VAC14: variants seen among roughly 807,000 people sequenced by gnomAD.
The protein encoded by VAC14 is VAC14 component of PIKFYVE complex.
A neutral mutation model predicts 85.3 loss-of-function variants in VAC14; 47 were observed. That is an observed-to-expected ratio of 0.55 (90% CI 0.44 to 0.70). VAC14 has a LOEUF of 0.70. VAC14 is among the 30% of genes least tolerant of loss of function. VAC14 has a pLI of 0.00. For synonymous variants in VAC14, 447 were observed against 430.5 expected, an observed-to-expected ratio of 1.04 and a Z score of -0.47; for missense variants, 861 against 1,004.3, an observed-to-expected ratio of 0.86 and a Z score of 1.93.
intron 14 of VAC14, among the ~76,000 whole-genome samples, chr16:70,705,347 G>A (rs1227203936): frequency 6.6e-6 from 1 of 152,264 alleles, no homozygotes; most frequent in Non-Finnish European, 1.5e-5. Context: ...GAGGGCCCAG[G>A]AATGCCCTTC....
intron 6 of VAC14, 133 bp downstream of exon 6, chr16:70,783,312 G>T: frequency 9.3e-7 from 1 of 1,072,582 alleles, no homozygotes; most frequent in Non-Finnish European, 1.4e-6. Context: ...GCTCCTCAAA[G>T]CGGGAAGCAC....
Position 70,697,959 on chromosome 16 carries a change from CCT to C in VAC14, c.1836+676_1836+677del, listed in dbSNP as rs577164617. ...TGGAGTCCCTGCCTCCAGGATGACC[CCT>C]GTCCCCGCACGGCCTCTGCAGCCAC... On this transcript the variant is annotated intron_variant, in intron 15 of 18. Transcript: ENST00000261776. Among the ~76,000 whole-genome samples, 5 of 149,682 alleles carry C rather than the reference CCT, an allele frequency of 3.3e-5. No individual in the cohort carries two copies. In the South Asian group the frequency reaches 8.5e-4, roughly 25 times the overall value.
intron 13 of VAC14, among the ~76,000 whole-genome samples, chr16:70,743,009 G>T (rs1418473914): frequency 6.6e-6 from 1 of 151,730 alleles, no homozygotes. Context: ...GACTGTAAAT[G>T]CACCAATCAG....
At chr16:70,777,276 C>T (rs188386246) in intron 9 of VAC14, among the ~76,000 whole-genome samples, 4 of 152,230 alleles carry the variant, frequency 2.6e-5, no homozygotes, top group African/African-American at 7.2e-5. Context: ...ACTGAAGCAC[C>T]CGTTAGTGTT....
chr16:70,759,565 T>C (rs917407696), intron 12 of VAC14, among the ~76,000 whole-genome samples: 8 of 151,960 alleles, frequency 5.3e-5, no homozygotes, highest in African/African-American at 1.9e-4. Context: ...GAGGTGGAGG[T>C]TGCAGTGAGC....
At chr16:70,714,105 G>A (rs2054097502) in intron 14 of VAC14, 1 of 152,190 alleles carries the variant, frequency 6.6e-6, no homozygotes, top group African/African-American at 2.4e-5. Context: ...CCAGGCCCAG[G>A]GCCCATCCTG....
chr16:70,777,621 C>T (rs888368145), intron 9 of VAC14, among the ~76,000 whole-genome samples: 2 of 152,112 alleles, frequency 1.3e-5, no homozygotes, highest in Non-Finnish European at 2.9e-5. Context: ...AAGGGGGAGT[C>T]GGAGCAAGTG....
intron 14 of VAC14, among the ~76,000 whole-genome samples, chr16:70,701,068 A>C (rs1055027654): frequency 2.6e-5 from 4 of 152,140 alleles, no homozygotes; most frequent in Non-Finnish European, 5.9e-5. Flanking sequence ...TGTGTTACAG[A>C]AGGTCAGGAA....
chr16:70,753,670 G>C (rs2031589953), intron 12 of VAC14, among the ~76,000 whole-genome samples: 1 of 152,156 alleles, frequency 6.6e-6, no homozygotes, highest in Non-Finnish European at 1.5e-5. Flanking sequence ...CCAGCCCCTG[G>C]GCACCCGGGC....
chr16:70,784,129 T>G lies in VAC14; in HGVS notation c.578A>C (p.Gln193Pro). The G allele has an allele frequency of 6.2e-7, 1 of 1,614,028 alleles. No homozygotes were observed. The highest frequency in any genetic ancestry group is 8.5e-7 in the Non-Finnish European group (1 of 1,179,896). Residue 193 changes from glutamine to proline, a missense_variant, in exon 5 of 19, where the codon CAG becomes CCG. Transcript: ENST00000261776. The part of the protein sequence containing the change: ...RIYSNNQYAR[Q>P]FIISWILVLE... ...AGGCCTTACCCAGGAGATGATGAAC[T>G]GCCGGGCATACTGGTTGTTGGAGTA...
At chr16:70,691,504 C>T (rs2053595068) in intron 18 of VAC14, 1 of 985,352 alleles carries the variant, frequency 1.0e-6, no homozygotes, top group Non-Finnish European at 1.2e-6. Flanking sequence ...ACTCCGGCCC[C>T]AGGAACCCAC....
At chr16:70,693,623 G>A (rs1214082084) in intron 17 of VAC14, among the ~76,000 whole-genome samples, 1 of 152,192 alleles carries the variant, frequency 6.6e-6, no homozygotes, top group Non-Finnish European at 1.5e-5. Context: ...ACTCATTCCA[G>A]CCCAAGCTGC....
At chr16:70,736,325 G>A (rs1242112630) in intron 13 of VAC14, among the ~76,000 whole-genome samples, 2 of 152,218 alleles carry the variant, frequency 1.3e-5, no homozygotes, top group Non-Finnish European at 2.9e-5. Flanking sequence ...GTCCCATAGC[G>A]CAGAGCACTG....
At chr16:70,754,122 C>G (rs1473192493) in intron 12 of VAC14, among the ~76,000 whole-genome samples, 8 of 152,178 alleles carry the variant, frequency 5.3e-5, no homozygotes, top group African/African-American at 1.9e-4. Context: ...GGTAAATACT[C>G]AAACCCTCCT....
At chr16:70,705,103 A>G (rs567641555) in intron 14 of VAC14, among the ~76,000 whole-genome samples, 4 of 152,318 alleles carry the variant, frequency 2.6e-5, no homozygotes, top group African/African-American at 9.6e-5. Flanking sequence ...CTGGTCACCA[A>G]GCAGGGGCAT....
chr16:70,795,884 C>A (rs1161491944), intron 1 of VAC14, among the ~76,000 whole-genome samples: 3 of 152,218 alleles, frequency 2.0e-5, no homozygotes, highest in Non-Finnish European at 4.4e-5. Context: ...TCTCTCCCAG[C>A]CAGCAGTGAG....
At chr16:70,741,376 C>T (rs937364768) in intron 13 of VAC14, among the ~76,000 whole-genome samples, 4 of 152,238 alleles carry the variant, frequency 2.6e-5, no homozygotes, top group African/African-American at 7.2e-5. Context: ...CGTGCCCTCC[C>T]GGGGCAGCGG....
At position 70,780,929 on chromosome 16, in the gene VAC14, T is replaced by C. The variant is rs2033780675; in HGVS notation, c.957A>G (p.Glu319=). Residue 319 remains glutamate (E), a synonymous_variant, in exon 9 of 19, where the codon GAA becomes GAG. Transcript: ENST00000261776. The stretch of plus-strand genomic sequence containing the variant: ...GGCTCTGGTTGCACACGTTGGCCAC[T>C]TCTTTGATGCCTGAGTCCACTGATG... ...AYDDRKKSIK[E]VANVCNQSLM... is the part of the protein sequence containing the mutation. 1 of 1,614,178 alleles carries C rather than the reference T, an allele frequency of 6.2e-7. No homozygotes were observed. The highest frequency in any genetic ancestry group is 8.5e-7 in the Non-Finnish European group (1 of 1,180,028).
At position 70,786,195 on chromosome 16, in the gene VAC14, C is replaced by A; in HGVS notation, c.255+20G>T. 6.2e-7 allele frequency: 1 copy of A among 1,612,268 alleles called. No individual in the cohort carries two copies. The highest frequency in any genetic ancestry group is 8.5e-7 in the Non-Finnish European group (1 of 1,179,060). On this transcript the variant is annotated intron_variant, in intron 2 of 18. Transcript: ENST00000261776. ...TCAAGGCCAGGACTGGTATGTCTGTCCCTTGGGTGAAAGGCCCACCTTGCC... is the reference window on the plus strand; with the variant it reads ...TCAAGGCCAGGACTGGTATGTCTGTACCTTGGGTGAAAGGCCCACCTTGCC...
Sources: allele counts gnomAD v4.1 joint callset (sites outside exome capture counted in the v4.1 genomes callset), GRCh38; gene constraint gnomAD v4.1.1; transcripts MANE v1.5; gene names NCBI Gene and HGNC (gene_info 2026-07-23, HGNC 2026-07-21).